The following VPS13C variants were observed in gnomAD, a reference collection of about 807,000 sequenced individuals.
VPS13C encodes intermembrane lipid transfer protein VPS13C.
VPS13C carries 358 observed loss-of-function variants against 456.8 expected under a neutral mutation model. The observed-to-expected ratio is 0.78, with a 90% confidence interval of 0.72 to 0.86. The LOEUF (loss-of-function observed/expected upper bound fraction) is 0.86. Ranked by LOEUF, VPS13C falls within the 40% of genes least tolerant of loss-of-function variation. The probability of loss-of-function intolerance (pLI) is 0.00; values close to 1 mark genes in which losing one functional copy is unlikely to be tolerated. For synonymous variants in VPS13C, 1,578 were observed against 1,486.7 expected (o/e 1.06, Z -1.41); for missense variants, 4,818 against 4,385.4 (o/e 1.10, Z -2.79).
intron 83 of VPS13C, among the ~76,000 whole-genome samples, chr15:61,855,490 G>T (rs1893855174): frequency 6.6e-6 from 1 of 151,954 alleles, no homozygotes; most frequent in Non-Finnish European, 1.5e-5. Flanking sequence ...AAAATGGTAG[G>T]GTAACACGGT....
At chr15:62,012,504 G>A (rs534085730) in intron 11 of VPS13C, among the ~76,000 whole-genome samples, 2 of 151,926 alleles carry the variant, frequency 1.3e-5, no homozygotes, top group East Asian at 3.9e-4. Flanking sequence ...GTATCTTTCT[G>A]AGAAATCAGA....
chr15:61,924,529 T>A (rs1296797271), intron 53 of VPS13C, among the ~76,000 whole-genome samples: 1 of 152,220 alleles, frequency 6.6e-6, no homozygotes, highest in Admixed American at 6.5e-5. Context: ...GAATCAATCA[T>A]AAATTTATAC....
chr15:62,004,748 A>G (rs1439888631), intron 15 of VPS13C, among the ~76,000 whole-genome samples: 2 of 150,066 alleles, frequency 1.3e-5, no homozygotes, highest in African/African-American at 4.9e-5. Flanking sequence ...TTCAAAGAAC[A>G]TCTTTATTTC....
chr15:61,912,060 ACACATCCCCTCATT>A (rs2043317507), intron 62 of VPS13C, 56 bp from the exon 63 acceptor site: 2 of 1,386,376 alleles, frequency 1.4e-6, no homozygotes, highest in Non-Finnish European at 1.9e-6. Flanking sequence ...TGAAATATAT[ACACATCCCCTCATT>A]CACACACAAA....
intron 37 of VPS13C, among the ~76,000 whole-genome samples, 162 bp downstream of exon 37, chr15:61,958,446 T>C (rs563758882): frequency 6.6e-6 from 1 of 152,238 alleles, no homozygotes; most frequent in Non-Finnish European, 1.5e-5. Context: ...GAGTCAATCA[T>C]CTCCAAATAT....
chr15:61,880,770 T>G, intron 72 of VPS13C, 48 bp from the exon 73 acceptor site: 2 of 1,541,636 alleles, frequency 1.3e-6, no homozygotes, highest in Non-Finnish European at 1.8e-6. Flanking sequence ...TTTTCTCTAT[T>G]AGAATTCGTT....
chr15:61,882,644 C>T lies in VPS13C; in HGVS notation c.9576G>A (p.Lys3192=), dbSNP rs1895946179. 1.9e-6 allele frequency: 3 copies of T among 1,604,392 alleles called. No individual in the cohort carries two copies. The highest frequency in any genetic ancestry group is 2.6e-6 in the Non-Finnish European group (3 of 1,175,598). The change falls in exon 69 of 85, where the codon AAG becomes AAA. Residue 3192 remains lysine (K), a synonymous_variant. Transcript: ENST00000644861. ...TTAAACTTCTCTGGTGAGAAGACTG[C>T]TTAAATTCAATCTGAATTCCTGATA... ...DFLSGIQIEF[K]QSSHQRSLRA...
chr15:62,049,390 G>C (rs2048542383), intron 1 of VPS13C, among the ~76,000 whole-genome samples: 1 of 152,144 alleles, frequency 6.6e-6, no homozygotes, highest in African/African-American at 2.4e-5. Flanking sequence ...TTTTTCTCAG[G>C]TTTGTCAAAT....
rs972642970 is a variant in VPS13C, at chr15:61,854,427, T to C, written c.*30A>G. 5.0e-6 allele frequency: 8 copies of C among 1,584,164 alleles called. No homozygotes were observed. Among genetic ancestry groups the C allele is most frequent in the Middle Eastern group, 3.3e-4 (2 of 5,992 alleles). On this transcript the variant is annotated 3_prime_UTR_variant, in exon 85 of 85. Transcript: ENST00000644861. ...ATAGACAAGACCAGTGATTGTTTTT[T>C]CTCCCTGTTGGAGCCCCTGAGGTCT...
intron 4 of VPS13C, 117 bp downstream of exon 4, chr15:62,034,840 T>C: frequency 1.6e-6 from 1 of 629,580 alleles, no homozygotes; most frequent in Non-Finnish European, 2.6e-6. Flanking sequence ...CTATGTATGA[T>C]TCATTTATTT....
At chr15:61,854,585 T>TA in intron 84 of VPS13C, 27 bp from the exon 85 acceptor site, 1 of 1,608,574 alleles carries the variant, frequency 6.2e-7, no homozygotes, top group Non-Finnish European at 8.5e-7. Flanking sequence ...TTATTATGAA[T>TA]TTTAAAGACA....
At chr15:61,997,126 T>C (rs1398641927) in intron 16 of VPS13C, among the ~76,000 whole-genome samples, 1 of 152,012 alleles carries the variant, frequency 6.6e-6, no homozygotes, top group Non-Finnish European at 1.5e-5. Flanking sequence ...ATATCCCATA[T>C]TTAGTAGGTT....
intron 53 of VPS13C, among the ~76,000 whole-genome samples, chr15:61,924,343 T>C (rs1001563937): frequency 3.9e-5 from 6 of 152,226 alleles, no homozygotes; most frequent in African/African-American, 1.4e-4. Context: ...AAAGGCCCCA[T>C]GCCTGTGCTC....
At chr15:62,049,118 T>C (rs1165436471) in intron 1 of VPS13C, among the ~76,000 whole-genome samples, 2 of 152,308 alleles carry the variant, frequency 1.3e-5, no homozygotes, top group South Asian at 2.1e-4. Flanking sequence ...TTAGATCCCA[T>C]TTGTCTATTT....
Position 61,884,238 on chromosome 15 carries a change from G to T in VPS13C, c.9373C>A (p.Gln3125Lys). 6.2e-7 allele frequency: 1 copy of T among 1,610,800 alleles called. No homozygotes were observed. Among genetic ancestry groups the T allele is most frequent in the Non-Finnish European group, 8.5e-7 (1 of 1,178,866 alleles). ...TTTTGACTAAATGGCTTCCATTTCTGCTTTGGTTTCACCTCCCAAACAACA... is the reference window on the plus strand; with the variant it reads ...TTTTGACTAAATGGCTTCCATTTCTTCTTTGGTTTCACCTCCCAAACAACA... ...SGVVWEVKPK[Q>K]KWKPFSQKQI... The change falls in exon 68 of 85, where the codon CAG (glutamine) becomes AAG (lysine). Residue 3125 changes from glutamine to lysine, a missense_variant. Transcript: ENST00000644861.
intron 66 of VPS13C, among the ~76,000 whole-genome samples, chr15:61,891,962 T>C (rs1464947919): frequency 6.6e-6 from 1 of 152,176 alleles, no homozygotes. Context: ...TGAACTTCTC[T>C]ACCCACAATG....
At chr15:62,021,563 T>A (rs1485753462) in intron 8 of VPS13C, among the ~76,000 whole-genome samples, 2 of 151,920 alleles carry the variant, frequency 1.3e-5, no homozygotes, top group African/African-American at 4.8e-5. Context: ...TAGAATTGTT[T>A]GGTCATGGCA....
intron 9 of VPS13C, among the ~76,000 whole-genome samples, chr15:62,019,136 C>A (rs918281993): frequency 6.6e-6 from 1 of 151,934 alleles, no homozygotes; most frequent in African/African-American, 2.4e-5. Flanking sequence ...GTGGTGATAT[C>A]CCCTTTACTA....
chr15:61,951,998 T>C lies in VPS13C; in HGVS notation c.4300-18A>G. 6.2e-7 allele frequency: 1 copy of C among 1,608,022 alleles called. No homozygotes were observed. The highest frequency in any genetic ancestry group is 8.5e-7 in the Non-Finnish European group (1 of 1,177,564). On this transcript the variant is annotated intron_variant, in intron 38 of 84. Coordinates refer to ENST00000644861, the MANE Select transcript of VPS13C (RefSeq NM_020821.3). ...ACCACAACCTAAAAAACGGTACCAG[T>C]ATTACCACCAACTATTTCACCAATA...
Sources: allele counts gnomAD v4.1 joint callset (sites outside exome capture counted in the v4.1 genomes callset), GRCh38; gene constraint gnomAD v4.1.1; transcripts MANE v1.5; gene names NCBI Gene and HGNC (gene_info 2026-07-23, HGNC 2026-07-21).